The following WNT7A variants were observed in gnomAD, a reference collection of about 807,000 sequenced individuals.
The protein encoded by WNT7A is Wnt family member 7A.
WNT7A carries 16 observed loss-of-function variants against 28.2 expected under a neutral mutation model. The observed-to-expected ratio is 0.57, with a 90% CI of 0.38 to 0.86. WNT7A has a LOEUF of 0.86. Ranked by LOEUF, WNT7A falls within the 40% of genes least tolerant of loss-of-function variation. WNT7A has a pLI of 0.00. For missense variants in WNT7A, 411 were observed against 489.7 expected (o/e 0.84, Z 1.52); for synonymous variants, 190 against 195.9 (o/e 0.97, Z 0.25).
At chr3:13,855,523 C>T (rs1694715379) in intron 2 of WNT7A, among the ~76,000 whole-genome samples, 1 of 152,178 alleles carries the variant, frequency 6.6e-6, no homozygotes, top group Non-Finnish European at 1.5e-5. Flanking sequence ...GTGGCCCCCT[C>T]ACTGGACTGT....
chr3:13,851,664 G>A (rs1694640050), intron 3 of WNT7A, among the ~76,000 whole-genome samples: 1 of 152,202 alleles, frequency 6.6e-6, no homozygotes, highest in Admixed American at 6.5e-5. Flanking sequence ...GGCAAAAACT[G>A]TGGGTAGTTA....
In WNT7A at chr3:13,819,254, T is replaced by C; in HGVS notation, c.740A>G (p.Lys247Arg). The C allele has an allele frequency of 1.2e-6, 2 of 1,614,242 alleles. No homozygotes were observed. Among genetic ancestry groups the C allele is most frequent in the Non-Finnish European group, 1.7e-6 (2 of 1,180,042 alleles). Reference protein sequence around the residue: ...HVEPVRASRNKRPTFLKIKKP... With the variant: ...HVEPVRASRNRRPTFLKIKKP... ...CTTGATCTTCAGGAAGGTGGGCCGC[T>C]TGTTGCGGCTGGCACGCACAGGCTC... Residue 247 changes from lysine to arginine, a missense_variant, in exon 4 of 4, where the codon AAG becomes AGG. Physicochemically the swap from Lys to Arg is conservative, Grantham distance 26. Coordinates refer to ENST00000285018, the MANE Select transcript of WNT7A (RefSeq NM_004625.4).
chr3:13,819,373 G>C lies in WNT7A; in HGVS notation c.621C>G (p.Gly207=), dbSNP rs768972115. 6.2e-7 allele frequency: 1 copy of C among 1,613,528 alleles called. No homozygotes were observed. The highest frequency in any genetic ancestry group is 8.5e-7 in the Non-Finnish European group (1 of 1,179,776). ...KLECKCHGVS[G]SCTTKTCWTT... Reference sequence around the variant, plus strand: ...TCCAGCACGTCTTGGTGGTGCACGAGCCTGACACGCCGTGGCACTTACATT... The same window carrying C: ...TCCAGCACGTCTTGGTGGTGCACGACCCTGACACGCCGTGGCACTTACATT... Residue 207 remains glycine (G), a synonymous_variant, in exon 4 of 4, where the codon GGC becomes GGG. Coordinates refer to ENST00000285018, the MANE Select transcript of WNT7A (RefSeq NM_004625.4).
chr3:13,869,032 G>A (rs1694982573), intron 2 of WNT7A, among the ~76,000 whole-genome samples: 1 of 142,072 alleles, frequency 7.0e-6, no homozygotes, highest in African/African-American at 2.7e-5. Context: ...GAGAGAAAGT[G>A]AGAGAGAGAG....
At chr3:13,828,059 A>C (rs1179733407) in intron 3 of WNT7A, among the ~76,000 whole-genome samples, 1 of 152,116 alleles carries the variant, frequency 6.6e-6, no homozygotes, top group East Asian at 1.9e-4. Context: ...CTTTGCAAAC[A>C]GAGAGTCCTC....
rs528858742 is a variant in WNT7A at position 13,847,604 on chromosome 3, C to T, written c.570+6928G>A. Among the ~76,000 whole-genome samples, 7 of 152,266 alleles carry T rather than the reference C, an allele frequency of 4.6e-5. No individual in the cohort carries two copies. The South Asian group carries it at 1.2e-3, about 27-fold the overall frequency. On this transcript the variant is annotated intron_variant, in intron 3 of 3. Transcript: ENST00000285018. Reference sequence around the variant, plus strand: ...TTCCCGGATTTAGCACATAAATAGGCTGAAAAACGAAACCTGACCTAAACT... The same window carrying T: ...TTCCCGGATTTAGCACATAAATAGGTTGAAAAACGAAACCTGACCTAAACT...
chr3:13,864,135 A>G (rs887303692), intron 2 of WNT7A, among the ~76,000 whole-genome samples: 2 of 152,192 alleles, frequency 1.3e-5, no homozygotes, highest in Non-Finnish European at 2.9e-5. Context: ...CCCCAGGAGC[A>G]CATGGCGGGA....
intron 2 of WNT7A, among the ~76,000 whole-genome samples, chr3:13,867,854 A>G (rs1321227994): frequency 1.3e-5 from 2 of 152,152 alleles, no homozygotes; most frequent in Non-Finnish European, 2.9e-5. Context: ...TTTCAACCTC[A>G]TCACTTCTCA....
rs562414450 is a variant in WNT7A at position 13,856,278 on chromosome 3, G to A, written c.299-1475C>T. On this transcript the variant is annotated intron_variant, in intron 2 of 3. Coordinates refer to ENST00000285018, the MANE Select transcript of WNT7A (RefSeq NM_004625.4). Reference sequence around the variant, plus strand: ...CTTGGGCGAGCTCCTTCTCCTGTCCGCATCTCAGTCTGGAGAGTGCCAGCG... The same window carrying A: ...CTTGGGCGAGCTCCTTCTCCTGTCCACATCTCAGTCTGGAGAGTGCCAGCG... Among the ~76,000 whole-genome samples the A allele has an allele frequency of 1.3e-5, 2 of 152,334 alleles. 1 individual carries two copies. Among genetic ancestry groups the A allele is most frequent in the African/African-American group, 4.8e-5 (2 of 41,570 alleles).
intron 3 of WNT7A, among the ~76,000 whole-genome samples, chr3:13,827,460 C>T (rs1222831872): frequency 1.3e-5 from 2 of 152,144 alleles, no homozygotes; most frequent in Non-Finnish European, 2.9e-5. Context: ...CCAGGTGCTG[C>T]CCAGAGCCCG....
intron 2 of WNT7A, among the ~76,000 whole-genome samples, chr3:13,860,034 C>T (rs1694803076): frequency 6.6e-6 from 1 of 152,032 alleles, no homozygotes; most frequent in South Asian, 2.1e-4. Flanking sequence ...AAGGCATGAG[C>T]ACAGAGTTAG....
At chr3:13,869,254 GAA>G (rs939160705) in intron 2 of WNT7A, among the ~76,000 whole-genome samples, 1 of 131,536 alleles carries the variant, frequency 7.6e-6, no homozygotes, top group African/African-American at 2.9e-5. Context: ...AGAAAAGAAA[GAA>G]AGAGGGAGAA....
Position 13,818,752 on chromosome 3 carries a change from G to T in WNT7A, c.*192C>A. The stretch of plus-strand genomic sequence containing the variant: ...CTGGGGGAGGGTGGAGCAGCATTGG[G>T]TGTGGAACAGAATAGTTGAGGGCTC... On this transcript the variant is annotated 3_prime_UTR_variant, in exon 4 of 4. Transcript: ENST00000285018. 1 of 844,056 alleles carries T rather than the reference G, an allele frequency of 1.2e-6. No individual in the cohort carries two copies. Among genetic ancestry groups the T allele is most frequent in the Non-Finnish European group, 1.7e-6 (1 of 572,950 alleles). 52.3% of individuals were successfully genotyped at this position (844,056 alleles called of 1,614,324 possible). A position where few individuals can be genotyped will look rare whatever the true frequency, so the allele number is the denominator to read the frequency against.
chr3:13,818,351 C>CAGAAAAAAAAAAAAAAA lies in WNT7A; in HGVS notation c.*592_*593insTTTTTTTTTTTTTTTCT, dbSNP rs1694046997. ...TTTCTGGATAAGTAGCAGCAAACAG[C>CAGAAAAAAAAAAAAAAA]AAAAAAAAAAAAAAAAATGTGTGTG... On this transcript the variant is annotated 3_prime_UTR_variant, in exon 4 of 4. Transcript: ENST00000285018. The CAGAAAAAAAAAAAAAAA allele has an allele frequency of 1.3e-5, 1 of 79,952 alleles. No homozygotes were observed. The highest frequency in any genetic ancestry group is 2.5e-5 in the Non-Finnish European group (1 of 40,528). 5.0% of individuals were successfully genotyped at this position (79,952 alleles called of 1,614,324 possible).
intron 3 of WNT7A, among the ~76,000 whole-genome samples, chr3:13,851,942 C>T (rs1407734887): frequency 6.6e-6 from 1 of 152,236 alleles, no homozygotes; most frequent in Non-Finnish European, 1.5e-5. Flanking sequence ...GATATTGGCA[C>T]CTAACCATTC....
intron 3 of WNT7A, among the ~76,000 whole-genome samples, chr3:13,848,775 A>AC (rs201462524): frequency 8.6e-5 from 13 of 151,646 alleles, no homozygotes; most frequent in East Asian, 3.9e-4. Context: ...TCACACACAC[A>AC]AAAAAAAAAC....
chr3:13,860,704 T>G (rs1293262767), intron 2 of WNT7A, among the ~76,000 whole-genome samples: 1 of 152,140 alleles, frequency 6.6e-6, no homozygotes, highest in Non-Finnish European at 1.5e-5. Context: ...GAGAACTCCC[T>G]TGGACCCTGG....
chr3:13,830,835 C>G (rs1343122527), intron 3 of WNT7A, among the ~76,000 whole-genome samples: 1 of 152,164 alleles, frequency 6.6e-6, no homozygotes, highest in Non-Finnish European at 1.5e-5. Flanking sequence ...CTGTAGTCAT[C>G]CTTTACCTAA....
intron 3 of WNT7A, among the ~76,000 whole-genome samples, chr3:13,836,307 G>A (rs114729432): frequency 0.023 from 3,527 of 152,014 alleles, 133 homozygotes; most frequent in African/African-American, 0.081. Flanking sequence ...GTCGGCCCTC[G>A]TGTGGGCATG....
Sources: allele counts gnomAD v4.1 joint callset (sites outside exome capture counted in the v4.1 genomes callset), GRCh38; gene constraint gnomAD v4.1.1; transcripts MANE v1.5; gene names NCBI Gene and HGNC (gene_info 2026-07-23, HGNC 2026-07-21).